The following PCLO variants were observed in gnomAD, a reference collection of about 807,000 sequenced individuals.
PCLO encodes protein piccolo.
PCLO carries 82 observed loss-of-function variants against 427.5 expected under a neutral mutation model. The ratio of observed to expected loss-of-function variants is 0.19; its 90% confidence interval spans 0.16 to 0.23. PCLO has a LOEUF of 0.23. Among genes scored for constraint, PCLO ranks in the 10% least tolerant of loss-of-function variants. PCLO has a pLI of 1.00. For missense variants in PCLO, 6,239 were observed against 6,115.9 expected, an observed-to-expected ratio of 1.02 and a Z score of -0.67; for synonymous variants, 2,357 against 2,155.4, an observed-to-expected ratio of 1.09 and a Z score of -2.59.
Position 82,758,331 on chromosome 7 carries a change from C to T in PCLO, c.*244G>A. 2.8e-6 allele frequency: 1 copy of T among 356,512 alleles called. No homozygotes were observed. The allele number at this position is 356,512 out of a possible 1,614,324, so 22.1% of individuals were successfully genotyped here. On this transcript the variant is annotated 3_prime_UTR_variant, in exon 25 of 25. Transcript: ENST00000333891. ...AAATTTGTTTCACAGTTTCTCTTCA[C>T]AGCCATGGGAAATTCAAGGTCTCAG...
intron 3 of PCLO, among the ~76,000 whole-genome samples, chr7:83,081,858 T>C (rs1790109111): frequency 6.6e-6 from 1 of 151,814 alleles, no homozygotes; most frequent in African/African-American, 2.4e-5. Flanking sequence ...AAGTTATTTT[T>C]TGATACCATA....
chr7:83,157,099 C>T (rs939369172), intron 1 of PCLO, among the ~76,000 whole-genome samples: 7 of 152,146 alleles, frequency 4.6e-5, no homozygotes, highest in Non-Finnish European at 7.4e-5. Flanking sequence ...GGGACACAGA[C>T]GTGGGCACCT....
intron 22 of PCLO, among the ~76,000 whole-genome samples, chr7:82,765,056 T>G (rs993151482): frequency 6.6e-6 from 1 of 151,916 alleles, no homozygotes; most frequent in Non-Finnish European, 1.5e-5. Context: ...TTCTATAAAA[T>G]GAAGCTATTA....
chr7:82,882,138 A>C (rs1341648501), intron 9 of PCLO, among the ~76,000 whole-genome samples: 1 of 152,190 alleles, frequency 6.6e-6, no homozygotes, highest in African/African-American at 2.4e-5. Flanking sequence ...GAATCTGGAT[A>C]TTTTGATTTC....
chr7:82,812,045 A>G (rs1791583029), intron 20 of PCLO, among the ~76,000 whole-genome samples: 1 of 151,494 alleles, frequency 6.6e-6, no homozygotes, highest in South Asian at 2.1e-4. Flanking sequence ...GATATGTCAT[A>G]TTCACATAGT....
intron 3 of PCLO, among the ~76,000 whole-genome samples, chr7:83,057,243 A>T (rs1420376823): frequency 7.4e-6 from 1 of 135,438 alleles, no homozygotes; most frequent in Admixed American, 8.1e-5. Flanking sequence ...CAGGGGTCTC[A>T]CCATGTTGGC....
chr7:83,110,063 G>T (rs1483469465), intron 3 of PCLO, among the ~76,000 whole-genome samples: 2 of 150,634 alleles, frequency 1.3e-5, no homozygotes, highest in African/African-American at 4.9e-5. Flanking sequence ...GATATTTTGT[G>T]CTTGGAACCT....
intron 3 of PCLO, among the ~76,000 whole-genome samples, chr7:83,018,208 T>C (rs1788256302): frequency 6.6e-6 from 1 of 151,990 alleles, no homozygotes; most frequent in South Asian, 2.1e-4. Flanking sequence ...TATCAAAATG[T>C]TTACAAAGTT....
chr7:82,769,898 T>C (rs970584926), intron 22 of PCLO, among the ~76,000 whole-genome samples: 1 of 152,076 alleles, frequency 6.6e-6, no homozygotes, highest in Non-Finnish European at 1.5e-5. Context: ...AGACAGATTT[T>C]AAAAACCAGG....
rs1010450306 is a variant in PCLO at position 82,883,168 on chromosome 7, G to A, written c.13529-3706C>T. On this transcript the variant is annotated intron_variant, in intron 9 of 24. Transcript: ENST00000333891. Reference sequence around the variant, plus strand: ...TTATCCTAGAATAAAAATATATTGCGTAGTTCAGTCATGTCATTGGTTGGG... The same window carrying A: ...TTATCCTAGAATAAAAATATATTGCATAGTTCAGTCATGTCATTGGTTGGG... Among the ~76,000 whole-genome samples the A allele has an allele frequency of 4.0e-5, 6 of 151,876 alleles. No homozygotes were observed. The South Asian group carries it at 6.2e-4, about 16-fold the overall frequency.
intron 8 of PCLO, among the ~76,000 whole-genome samples, chr7:82,907,150 A>G (rs1794211508): frequency 6.6e-6 from 1 of 151,964 alleles, no homozygotes; most frequent in Non-Finnish European, 1.5e-5. Flanking sequence ...ATCCTCAAAG[A>G]ATATTAGTTT....
intron 3 of PCLO, among the ~76,000 whole-genome samples, chr7:83,113,920 A>C (rs1791067036): frequency 6.6e-6 from 1 of 152,134 alleles, no homozygotes; most frequent in African/African-American, 2.4e-5. Flanking sequence ...TAAATTTCTT[A>C]ATGTTTCATA....
intron 3 of PCLO, among the ~76,000 whole-genome samples, chr7:83,087,374 A>T (rs1166574718): frequency 6.6e-6 from 1 of 152,066 alleles, no homozygotes; most frequent in African/African-American, 2.4e-5. Flanking sequence ...GGGTAATGGG[A>T]GCACTAAAAT....
chr7:83,093,193 C>A (rs1790425668), intron 3 of PCLO, among the ~76,000 whole-genome samples: 1 of 151,348 alleles, frequency 6.6e-6, no homozygotes, highest in Admixed American at 6.6e-5. Flanking sequence ...TTCAAATTAT[C>A]AGTATGAAAT....
At chr7:83,023,855 G>C (rs908471755) in intron 3 of PCLO, among the ~76,000 whole-genome samples, 3 of 152,144 alleles carry the variant, frequency 2.0e-5, no homozygotes, top group Non-Finnish European at 4.4e-5. Context: ...GTGATGTATG[G>C]CAAATCTTAT....
rs1793186990 is a variant in PCLO, at chr7:82,869,836, CTAAA to C, written c.13654+9497_13654+9500del. On this transcript the variant is annotated intron_variant, in intron 10 of 24. Transcript: ENST00000333891. ...ATGAAATACCTAAGAATAAATTTAA[CTAAA>C]TAAATGAAAGATCTTTACAATGGAA... 2.6e-5 allele frequency among the ~76,000 whole-genome samples: 4 copies of C among 151,728 alleles called. No individual in the cohort carries two copies. The South Asian group carries it at 8.3e-4, about 32-fold the overall frequency.
chr7:82,971,406 GTATGTGTGTGTGTATATA>G (rs1359263233), intron 3 of PCLO, among the ~76,000 whole-genome samples: 14 of 150,814 alleles, frequency 9.3e-5, no homozygotes, highest in Non-Finnish European at 1.5e-4. Context: ...AGTTTTATGT[GTATGTGTGTGTGTATATA>G]TATGTGTGTG....
intron 3 of PCLO, among the ~76,000 whole-genome samples, chr7:83,010,271 G>A (rs980916147): frequency 6.6e-6 from 1 of 151,774 alleles, no homozygotes; most frequent in Non-Finnish European, 1.5e-5. Flanking sequence ...TTCTTATGAT[G>A]TCCCCAGTTG....
chr7:82,941,794 T>C (rs1795093233), intron 6 of PCLO, among the ~76,000 whole-genome samples: 1 of 152,222 alleles, frequency 6.6e-6, no homozygotes, highest in South Asian at 2.1e-4. Flanking sequence ...ATTATAATCC[T>C]TTTAGTTGTT....
Sources: gnomAD v4.1 joint callset for allele counts (sites outside exome capture counted in the v4.1 genomes callset) on GRCh38, gnomAD v4.1.1 for gene constraint, MANE v1.5 for transcripts, NCBI Gene and HGNC (gene_info 2026-07-23, HGNC 2026-07-21) for gene names.